Variants in CERS6 observed in about 807,000 individuals in gnomAD.
The protein encoded by CERS6 is ceramide synthase 6.
CERS6 carries 26 observed loss-of-function variants against 56.8 expected under a neutral mutation model. That is an observed-to-expected ratio of 0.46 (90% CI 0.34 to 0.63). The LOEUF (loss-of-function observed/expected upper bound fraction) is 0.63. CERS6 is among the 30% of genes least tolerant of loss of function. CERS6 has a pLI of 0.01. For missense variants in CERS6, 415 were observed against 467.5 expected (o/e 0.89, Z 1.04); for synonymous variants, 164 against 173.3 (o/e 0.95, Z 0.42).
chr2:168,666,811 C>A (rs192470535), intron 4 of CERS6, among the ~76,000 whole-genome samples: 1 of 152,270 alleles, frequency 6.6e-6, no homozygotes, highest in East Asian at 1.9e-4. Context: ...TTGGAGTCTC[C>A]TAAAACCATA....
intron 1 of CERS6, among the ~76,000 whole-genome samples, chr2:168,459,632 GTT>G (rs368779298): frequency 4.1e-5 from 6 of 147,564 alleles, no homozygotes; most frequent in Middle Eastern, 3.5e-3. Flanking sequence ...AAGTATGTGG[GTT>G]TTTTTTTTTC....
chr2:168,707,550 C>T (rs924880868), intron 6 of CERS6, among the ~76,000 whole-genome samples: 1 of 152,090 alleles, frequency 6.6e-6, no homozygotes, highest in African/African-American at 2.4e-5. Context: ...TTCGAAGAGC[C>T]TTATGTGAAA....
chr2:168,750,917 TC>T (rs1445538250), intron 8 of CERS6, among the ~76,000 whole-genome samples: 1 of 152,214 alleles, frequency 6.6e-6, no homozygotes, highest in African/African-American at 2.4e-5. Context: ...CCTCCATAGT[TC>T]CTGGAAGTGT....
At chr2:168,763,224 TTCTC>T (rs1311400215) in intron 8 of CERS6, among the ~76,000 whole-genome samples, 7 of 145,600 alleles carry the variant, frequency 4.8e-5, no homozygotes, top group East Asian at 2.1e-4. Flanking sequence ...CAATAATTGT[TTCTC>T]TCTCTCTCTC....
At chr2:168,766,965 C>T (rs547737075) in intron 9 of CERS6, among the ~76,000 whole-genome samples, 9 of 152,254 alleles carry the variant, frequency 5.9e-5, no homozygotes, top group Non-Finnish European at 1.2e-4. Flanking sequence ...TGTGACCTCT[C>T]ACTCTTTGTA....
intron 1 of CERS6, among the ~76,000 whole-genome samples, chr2:168,483,362 C>T (rs1460729770): frequency 6.6e-6 from 1 of 151,554 alleles, no homozygotes. Flanking sequence ...TTGGTTGACT[C>T]ATCTTGGACT....
At chr2:168,547,521 G>A in intron 1 of CERS6, 75 bp from the exon 2 acceptor site, 3 of 766,192 alleles carry the variant, frequency 3.9e-6, no homozygotes, top group Non-Finnish European at 4.2e-6. Context: ...TGAGTAATGT[G>A]TAACTGGTGG....
At chr2:168,750,913 T>C (rs1010915773) in intron 8 of CERS6, among the ~76,000 whole-genome samples, 1 of 152,228 alleles carries the variant, frequency 6.6e-6, no homozygotes, top group Non-Finnish European at 1.5e-5. Flanking sequence ...GTATCCTCCA[T>C]AGTTCCTGGA....
At chr2:168,675,251 C>T (rs535580048) in intron 4 of CERS6, among the ~76,000 whole-genome samples, 2 of 152,014 alleles carry the variant, frequency 1.3e-5, no homozygotes, top group African/African-American at 2.4e-5. Context: ...GGATTACAGG[C>T]GTGAGCCACC....
chr2:168,738,071 T>C (rs7585751), intron 8 of CERS6, among the ~76,000 whole-genome samples: 135,268 of 152,278 alleles, frequency 0.89, 60,464 homozygotes, highest in East Asian at 0.99. Flanking sequence ...ATTGTTATTC[T>C]ATTTTCTATT....
At chr2:168,713,655 T>C (rs1215847277) in intron 6 of CERS6, among the ~76,000 whole-genome samples, 2 of 152,170 alleles carry the variant, frequency 1.3e-5, no homozygotes, top group African/African-American at 4.8e-5. Flanking sequence ...CTGCAAAATA[T>C]ATTTTTTTCT....
intron 8 of CERS6, among the ~76,000 whole-genome samples, chr2:168,724,412 T>A (rs1402213012): frequency 2.0e-5 from 3 of 151,930 alleles, no homozygotes; most frequent in African/African-American, 7.3e-5. Context: ...GCAACCTGAG[T>A]GGGTGGCCAC....
At chr2:168,501,313 A>T (rs941063196) in intron 1 of CERS6, among the ~76,000 whole-genome samples, 2 of 152,234 alleles carry the variant, frequency 1.3e-5, no homozygotes, top group African/African-American at 4.8e-5. Context: ...TTAGTCAACA[A>T]TATTTGATAA....
chr2:168,632,004 G>A (rs1464289264), intron 4 of CERS6, among the ~76,000 whole-genome samples: 2 of 150,684 alleles, frequency 1.3e-5, no homozygotes, highest in Non-Finnish European at 2.9e-5. Flanking sequence ...TTCCCCTGCT[G>A]TTGCTTTTAC....
At chr2:168,694,741 A>G (rs1182213785) in intron 5 of CERS6, among the ~76,000 whole-genome samples, 1 of 152,192 alleles carries the variant, frequency 6.6e-6, no homozygotes, top group African/African-American at 2.4e-5. Context: ...GTGCTAATTA[A>G]TGCTTTTTGA....
At chr2:168,630,669 A>T (rs1684694522) in intron 3 of CERS6, among the ~76,000 whole-genome samples, 1 of 152,214 alleles carries the variant, frequency 6.6e-6, no homozygotes, top group Admixed American at 6.5e-5. Flanking sequence ...TCATATTACC[A>T]AATCATATCC....
At chr2:168,751,410 A>G (rs996515928) in intron 8 of CERS6, among the ~76,000 whole-genome samples, 1 of 152,176 alleles carries the variant, frequency 6.6e-6, no homozygotes, top group Non-Finnish European at 1.5e-5. Context: ...CAGTAAATAA[A>G]TTAAGCTTTG....
chr2:168,640,952 T>C (rs1574121327), intron 4 of CERS6, among the ~76,000 whole-genome samples: 1 of 152,290 alleles, frequency 6.6e-6, no homozygotes, highest in Admixed American at 6.5e-5. Context: ...TCTTCCTCCA[T>C]ATACCCAGAG....
At position 168,571,580 on chromosome 2, in the gene CERS6, C is replaced by T. The variant is rs140897770; in HGVS notation, c.407+10258C>T. On this transcript the variant is annotated intron_variant, in intron 3 of 9. Coordinates refer to ENST00000305747, the MANE Select transcript of CERS6 (RefSeq NM_203463.3). ...AGGTTTGTGAGGTTTATTTGTAGGC[C>T]TTCCCACATCCAAATTCATAATAAG... 5.1e-3 allele frequency among the ~76,000 whole-genome samples: 772 copies of T among 152,124 alleles called. 7 individuals are homozygous for T. The highest frequency in any genetic ancestry group is 0.018 in the African/African-American group (741 of 41,518).
Sources: gnomAD v4.1 joint callset for allele counts (sites outside exome capture counted in the v4.1 genomes callset) on GRCh38, gnomAD v4.1.1 for gene constraint, MANE v1.5 for transcripts, NCBI Gene and HGNC (gene_info 2026-07-23, HGNC 2026-07-21) for gene names.